Variants in GRM7 observed in about 807,000 individuals in gnomAD.
The protein encoded by GRM7 is glutamate metabotropic receptor 7.
Under a neutral mutation model 84.5 loss-of-function variants are expected in GRM7, and 35 were observed. The observed-to-expected ratio is 0.41, with a 90% confidence interval of 0.32 to 0.55. The LOEUF (loss-of-function observed/expected upper bound fraction) is 0.55. Among genes scored for constraint, GRM7 ranks in the 20% least tolerant of loss-of-function variants. The probability of loss-of-function intolerance (pLI) is 0.19; values close to 1 mark genes in which losing one functional copy is unlikely to be tolerated. For synonymous variants in GRM7, 487 were observed against 455.1 expected (o/e 1.07, Z -0.89); for missense variants, 1,003 against 1,194.6 (o/e 0.84, Z 2.36).
At chr3:7,432,269 C>T (rs11717280) in intron 5 of GRM7, among the ~76,000 whole-genome samples, 17,691 of 152,216 alleles carry the variant, frequency 0.12, 1,277 homozygotes, top group South Asian at 0.27. Context: ...TAGGAGTGAA[C>T]GCCAGTGTAA....
intron 1 of GRM7, among the ~76,000 whole-genome samples, chr3:7,137,050 T>A (rs944741936): frequency 2.6e-5 from 4 of 152,128 alleles, no homozygotes; most frequent in Admixed American, 6.6e-5. Flanking sequence ...TGTGTGCTGT[T>A]TATTGGATAT....
intron 1 of GRM7, among the ~76,000 whole-genome samples, chr3:7,104,860 A>G (rs1246933631): frequency 6.6e-6 from 1 of 151,874 alleles, no homozygotes; most frequent in Non-Finnish European, 1.5e-5. Context: ...CTAAGATTCA[A>G]AGTCATGTCT....
rs1694841862 is a variant in GRM7 at position 6,863,694 on chromosome 3, G to C, written c.519+1787G>C. Among the ~76,000 whole-genome samples, 1 of 152,188 alleles carries C rather than the reference G, an allele frequency of 6.6e-6. No homozygotes were observed. The highest frequency in any genetic ancestry group is 6.5e-5 in the Admixed American group (1 of 15,284). ...ACAAGTTGAGGTAGCAGTGCAGCGG[G>C]AGAGGATGAGGTCAGAGACATTACC... is the stretch of plus-strand genomic sequence containing the variant. On this transcript the variant is annotated intron_variant, in intron 1 of 9. Transcript: ENST00000357716. The surrounding 1 kb of genome is among the most constrained non-coding windows in gnomAD (Gnocchi z 4.8).
intron 1 of GRM7, among the ~76,000 whole-genome samples, chr3:6,912,738 AC>A (rs1696814697): frequency 6.6e-6 from 1 of 152,142 alleles, no homozygotes; most frequent in Non-Finnish European, 1.5e-5. Context: ...TTAATCATAG[AC>A]AAATTCTACC....
chr3:7,535,069 A>G (rs1182379233), intron 7 of GRM7, among the ~76,000 whole-genome samples: 1 of 152,178 alleles, frequency 6.6e-6, no homozygotes, highest in Non-Finnish European at 1.5e-5. Context: ...AGAAATGACT[A>G]TGCACTGACG....
At chr3:7,406,354 G>C (rs1321488146) in intron 4 of GRM7, among the ~76,000 whole-genome samples, 1 of 151,942 alleles carries the variant, frequency 6.6e-6, no homozygotes, top group Non-Finnish European at 1.5e-5. Flanking sequence ...CAAAAAATTA[G>C]CCAGGCATAG....
chr3:7,686,904 C>T (rs1700607534), intron 9 of GRM7, among the ~76,000 whole-genome samples: 1 of 152,110 alleles, frequency 6.6e-6, no homozygotes, highest in Non-Finnish European at 1.5e-5. Context: ...TAAATACATT[C>T]AAAGAAGTGT....
In GRM7 at chr3:7,578,704, T is replaced by C; in HGVS notation, c.1798T>C (p.Leu600=). ...TGTGATTCCTGTCTTCCTGGCAATGTTGGGGATCATTGCCACCATCTTTGT... is the reference window on the plus strand; with the variant it reads ...TGTGATTCCTGTCTTCCTGGCAATGCTGGGGATCATTGCCACCATCTTTGT... ...WAVIPVFLAM[L]GIIATIFVMA... is the part of the protein sequence containing the mutation. The change falls in exon 8 of 10, where the codon TTG becomes CTG. Residue 600 remains leucine, a synonymous_variant. Transcript: ENST00000357716. The C allele has an allele frequency of 6.2e-7, 1 of 1,613,960 alleles. No homozygotes were observed. Among genetic ancestry groups the C allele is most frequent in the African/African-American group, 1.3e-5 (1 of 75,042 alleles).
rs764703688 is a variant in GRM7 at position 6,902,558 on chromosome 3, T to C, written c.519+40651T>C. Among the ~76,000 whole-genome samples, 49 of 152,190 alleles carry C rather than the reference T, an allele frequency of 3.2e-4. 1 individual carries two copies. The highest frequency in any genetic ancestry group is 7.1e-4 in the Non-Finnish European group (48 of 68,032). On this transcript the variant is annotated intron_variant, in intron 1 of 9. Transcript: ENST00000357716. Reference sequence around the variant, plus strand: ...CCCAGACACCTGAATAAACTTGTTCTATTATCTCTTAAATTACTATTGTGT... The same window carrying C: ...CCCAGACACCTGAATAAACTTGTTCCATTATCTCTTAAATTACTATTGTGT...
At chr3:7,275,869 C>G (rs542332018) in intron 2 of GRM7, among the ~76,000 whole-genome samples, 49 of 152,134 alleles carry the variant, frequency 3.2e-4, no homozygotes, top group African/African-American at 1.0e-3. Flanking sequence ...GCAAGGCCCC[C>G]CTGAGTGTCT....
chr3:7,680,157 C>T lies in GRM7; in HGVS notation c.2560C>T (p.Leu854Phe). The T allele has an allele frequency of 6.2e-7, 1 of 1,614,182 alleles. No homozygotes were observed. The highest frequency in any genetic ancestry group is 2.2e-5 in the East Asian group (1 of 44,872). Residue 854 changes from leucine (L) to phenylalanine (F), a missense_variant, in exon 9 of 10, where the codon CTC becomes TTC. Around this residue, in one of 2 missense-constraint regions of GRM7, gnomAD observed 910 missense variants for 1,126.0 expected, o/e 0.81. Coordinates refer to ENST00000357716, the MANE Select transcript of GRM7 (RefSeq NM_000844.4). ...GTACATCATCATTTTCCACCCTGAA[C>T]TCAATGTCCAGAAACGGAAGCGAAG... The part of the protein sequence containing the change: ...KVYIIIFHPE[L>F]NVQKRKRSFK...
chr3:7,541,091 G>C (rs1692859861), intron 7 of GRM7, among the ~76,000 whole-genome samples: 1 of 152,094 alleles, frequency 6.6e-6, no homozygotes, highest in East Asian at 1.9e-4. Flanking sequence ...GCCAGGAAAA[G>C]TCAGGAGTTT....
At chr3:7,220,771 C>G (rs1201253863) in intron 2 of GRM7, among the ~76,000 whole-genome samples, 1 of 152,112 alleles carries the variant, frequency 6.6e-6, no homozygotes, top group African/African-American at 2.4e-5. Flanking sequence ...TTTCTGTAAT[C>G]TGAAACCTTC....
chr3:7,306,882 CAT>C (rs1414644560), intron 4 of GRM7, among the ~76,000 whole-genome samples: 1 of 152,148 alleles, frequency 6.6e-6, no homozygotes, highest in African/African-American at 2.4e-5. Flanking sequence ...TTAGCAAAAA[CAT>C]TCTTTCTTTT....
rs193297257 is a variant in GRM7 at position 7,573,589 on chromosome 3, T to G, written c.1516-4833T>G. ...TAGTTTTATTTTAAAATTCCAGTGA[T>G]TATAAGGTCTGCACATTCCTTGCGG... On this transcript the variant is annotated intron_variant, in intron 7 of 9. Transcript: ENST00000357716. 2.1e-4 allele frequency among the ~76,000 whole-genome samples: 32 copies of G among 152,316 alleles called. 1 individual carries two copies. In the East Asian group the frequency reaches 5.2e-3, roughly 25 times the overall value.
At chr3:7,180,758 A>G (rs1695310875) in intron 2 of GRM7, among the ~76,000 whole-genome samples, 1 of 152,188 alleles carries the variant, frequency 6.6e-6, no homozygotes, top group Non-Finnish European at 1.5e-5. Context: ...ACCTCTGTAA[A>G]TTAAATGCAG....
At chr3:7,307,330 A>G (rs2125035918) in intron 4 of GRM7, among the ~76,000 whole-genome samples, 1 of 148,444 alleles carries the variant, frequency 6.7e-6, no homozygotes, top group African/African-American at 2.5e-5. Context: ...TGGAAAGAAA[A>G]GTTGTTTCTA....
chr3:7,368,834 T>C (rs1251177144), intron 4 of GRM7, among the ~76,000 whole-genome samples: 1 of 152,152 alleles, frequency 6.6e-6, no homozygotes, highest in African/African-American at 2.4e-5. Flanking sequence ...ATCTCTAACA[T>C]CAAATTTAGC....
At chr3:7,650,933 G>A (rs1046034539) in intron 8 of GRM7, among the ~76,000 whole-genome samples, 1 of 152,160 alleles carries the variant, frequency 6.6e-6, no homozygotes, top group African/African-American at 2.4e-5. Flanking sequence ...ACATTATAGT[G>A]AGGGCACTAA....
Sources: allele counts gnomAD v4.1 joint callset (sites outside exome capture counted in the v4.1 genomes callset), GRCh38; gene constraint gnomAD v4.1.1; regional missense constraint gnomAD v4.1.1; non-coding constraint Gnocchi (gnomAD v3.1); transcripts MANE v1.5; gene names NCBI Gene and HGNC (gene_info 2026-07-23, HGNC 2026-07-21).